The following VSIG1 variants were observed in gnomAD, a reference collection of about 807,000 sequenced individuals.
VSIG1 encodes the protein V-set and immunoglobulin domain-containing protein 1.
VSIG1 carries 11 observed loss-of-function variants against 20.1 expected under a neutral mutation model. The ratio of observed to expected loss-of-function variants is 0.55; its 90% CI spans 0.34 to 0.91. The LOEUF is 0.91. Ranked by LOEUF, VSIG1 falls within the 40% of genes least tolerant of loss-of-function variation. The pLI, the probability that VSIG1 is intolerant of heterozygous loss-of-function variation, is 0.02. For missense variants in VSIG1, 283 were observed against 298.8 expected (o/e 0.95, Z 0.39); for synonymous variants, 126 against 116.7 (o/e 1.08, Z -0.52).
chrX:108,042,044 A>G (rs2030489726), upstream of VSIG1, among the ~76,000 whole-genome samples: 1 of 111,992 alleles, frequency 8.9e-6, no homozygotes, highest in Non-Finnish European at 1.9e-5. Flanking sequence ...ATAAAGCTCT[A>G]TAAAACTGCA....
At chrX:108,074,266 T>C (rs774401381) in intron 5 of VSIG1, among the ~76,000 whole-genome samples, 3 of 112,351 alleles carry the variant, frequency 2.7e-5, no homozygotes, top group Non-Finnish European at 5.6e-5. Flanking sequence ...TTTGCTCCTT[T>C]ATTCTCATAT....
upstream of VSIG1, among the ~76,000 whole-genome samples, chrX:108,040,779 G>A (rs748039078): frequency 6.4e-4 from 71 of 111,779 alleles, no homozygotes; most frequent in African/African-American, 2.2e-3. Flanking sequence ...CAGAAAGAGA[G>A]AATAAAAATA....
the VSIG1 span, among the ~76,000 whole-genome samples, chrX:108,031,049 C>T: frequency 8.9e-6 from 1 of 112,235 alleles, no homozygotes; most frequent in Non-Finnish European, 1.9e-5. Context: ...GTTCAAACCT[C>T]AGATATTTTC....
chrX:108,055,379 T>A lies in VSIG1; in HGVS notation c.50-2659T>A, dbSNP rs189169052. Among the ~76,000 whole-genome samples the A allele has an allele frequency of 7.2e-4, 80 of 111,849 alleles. No individual in the cohort carries two copies. In the East Asian group the frequency reaches 0.015, roughly 21 times the overall value. On this transcript the variant is annotated intron_variant, in intron 1 of 6. Coordinates refer to ENST00000217957, the MANE Select transcript of VSIG1 (RefSeq NM_182607.5). ...CTTCAGCAAATAATTCTAGCAAACA[T>A]TTAAAGAATTATTAAGATCAGTTTT...
intron 6 of VSIG1, among the ~76,000 whole-genome samples, chrX:108,076,758 A>G (rs1192186499): frequency 8.9e-6 from 1 of 111,996 alleles, no homozygotes; most frequent in Non-Finnish European, 1.9e-5. Context: ...CATCAGAGCT[A>G]TGAATTTGGA....
chrX:108,044,404 C>T (rs1016066946), upstream of VSIG1, among the ~76,000 whole-genome samples: 16 of 111,816 alleles, frequency 1.4e-4, no homozygotes, highest in Non-Finnish European at 5.6e-5. Context: ...TCAGACTTCT[C>T]CAAAGAAAGT....
chrX:108,071,643 C>G (rs1005337848), intron 3 of VSIG1, among the ~76,000 whole-genome samples: 1 of 110,476 alleles, frequency 9.1e-6, no homozygotes, highest in African/African-American at 3.3e-5. Flanking sequence ...GAGGCCTCTT[C>G]CCCTCTCTAA....
intron 1 of VSIG1, among the ~76,000 whole-genome samples, chrX:108,051,455 AAACTG>A (rs1390565445): frequency 2.7e-5 from 3 of 112,506 alleles, no homozygotes; most frequent in Non-Finnish European, 5.6e-5. Context: ...ACTGAAAATT[AAACTG>A]CTGTTAGAAC....
chrX:108,046,540 G>C (rs1324562650), intron 1 of VSIG1, among the ~76,000 whole-genome samples: 4 of 109,675 alleles, frequency 3.6e-5, no homozygotes, highest in African/African-American at 3.4e-5. Flanking sequence ...GGTTTGGAAC[G>C]GTTGTTAAGA....
chrX:108,062,917 C>G (rs1375242879), intron 2 of VSIG1, among the ~76,000 whole-genome samples: 4 of 112,411 alleles, frequency 3.6e-5, no homozygotes, highest in Non-Finnish European at 7.5e-5. Context: ...AACTCCAACT[C>G]AGATTCAAAC....
chrX:108,077,235 G>T lies in VSIG1; in HGVS notation c.1018G>T (p.Ala340Ser). 8.3e-7 allele frequency: 1 copy of T among 1,212,017 alleles called. No individual in the cohort carries two copies. Among genetic ancestry groups the T allele is most frequent in the South Asian group, 1.8e-5 (1 of 57,005 alleles). ...GCCTGCCCCAGGATCAGAGCCTATG[G>T]CAGTGCCTGACCTTGACATCGAGCT... ...PEPAPGSEPM[A>S]VPDLDIELEL... The change falls in exon 7 of 7, where the codon GCA (alanine) becomes TCA (serine). Residue 340 changes from alanine to serine, a missense_variant. Transcript: ENST00000217957.
chrX:108,071,035 G>A (rs1380718798), intron 3 of VSIG1, among the ~76,000 whole-genome samples: 1 of 111,575 alleles, frequency 9.0e-6, no homozygotes, highest in Non-Finnish European at 1.9e-5. Flanking sequence ...ATCAGCCAGA[G>A]GTTAGATAAT....
chrX:108,064,269 C>T (rs2031085259), intron 2 of VSIG1, among the ~76,000 whole-genome samples: 1 of 111,955 alleles, frequency 8.9e-6, no homozygotes, highest in Non-Finnish European at 1.9e-5. Context: ...AAAGCCTTGG[C>T]TCTTTTAGGT....
Position 108,077,238 on chromosome X carries a change from G to A in VSIG1, c.1021G>A (p.Val341Met). 8.3e-7 allele frequency: 1 copy of A among 1,212,118 alleles called. No individual in the cohort carries two copies. Among genetic ancestry groups the A allele is most frequent in the South Asian group, 1.8e-5 (1 of 57,005 alleles). ...EPAPGSEPMAVPDLDIELELE... is the reference protein window; with the variant it reads ...EPAPGSEPMAMPDLDIELELE... ...TGCCCCAGGATCAGAGCCTATGGCA[G>A]TGCCTGACCTTGACATCGAGCTGGA... Residue 341 changes from valine to methionine, a missense_variant, in exon 7 of 7, where the codon GTG (valine) becomes ATG (methionine). Val to Met is a conservative substitution (Grantham distance 21). Transcript: ENST00000217957.
chrX:108,061,500 A>C (rs1176416532), intron 2 of VSIG1: 31 of 1,166,977 alleles, frequency 2.7e-5, no homozygotes, highest in Non-Finnish European at 3.6e-5. Context: ...GACGCACGCA[A>C]GAGACGCTCG....
chrX:108,047,786 CTCTCTATA>C lies in VSIG1; in HGVS notation c.49+2609_49+2616del, dbSNP rs1186025668. ...ACATTCTCTCTCTCTCTCTCTCTCT[CTCTCTATA>C]TATATATATATATACATATATATAT... On this transcript the variant is annotated intron_variant, in intron 1 of 6. Coordinates refer to ENST00000217957, the MANE Select transcript of VSIG1 (RefSeq NM_182607.5). Among the ~76,000 whole-genome samples, 9 of 60,077 alleles carry C rather than the reference CTCTCTATA, an allele frequency of 1.5e-4. No individual in the cohort carries two copies. The East Asian group carries it at 2.8e-3, about 19-fold the overall frequency. The allele number at this position is 60,077 out of a possible 115,157, so 52.2% of individuals were successfully genotyped here. A position where few individuals can be genotyped will look rare whatever the true frequency, so the allele number is the denominator to read the frequency against.
chrX:108,077,347 T>C lies in VSIG1; in HGVS notation c.1130T>C (p.Leu377Ser), dbSNP rs1278727330. ...ESEPGVVVEP[L>S]SEDEKGVVKA ...GAGCCTGGGGTTGTAGTTGAGCCCT[T>C]AAGTGAAGATGAAAAGGGAGTGGTT... is the stretch of plus-strand genomic sequence containing the variant. The change falls in exon 7 of 7, where the codon TTA becomes TCA. Residue 377 changes from leucine (L) to serine (S), a missense_variant. By Grantham distance (145) the Leu-to-Ser change is moderately radical (BLOSUM62 -2). Coordinates refer to ENST00000217957, the MANE Select transcript of VSIG1 (RefSeq NM_182607.5). 2 of 1,210,266 alleles carry C rather than the reference T, an allele frequency of 1.7e-6. No homozygotes were observed. The highest frequency in any genetic ancestry group is 3.5e-5 in the African/African-American group (2 of 57,226).
chrX:108,055,615 ACC>A (rs1293151734), intron 1 of VSIG1, among the ~76,000 whole-genome samples: 39 of 112,017 alleles, frequency 3.5e-4, no homozygotes, highest in African/African-American at 1.1e-3. Context: ...ATACACCATG[ACC>A]AAATGGGATT....
chrX:108,022,370 A>G, the VSIG1 span, among the ~76,000 whole-genome samples: 1 of 112,087 alleles, frequency 8.9e-6, no homozygotes, highest in Admixed American at 9.5e-5. Context: ...TTGTAAAGAA[A>G]TGTAACTGAT....
Sources: allele counts gnomAD v4.1 joint callset (sites outside exome capture counted in the v4.1 genomes callset), GRCh38; gene constraint gnomAD v4.1.1; transcripts MANE v1.5; gene names NCBI Gene and HGNC (gene_info 2026-07-23, HGNC 2026-07-21).